Variants in GRHL2 observed in about 807,000 individuals in gnomAD.
The protein encoded by GRHL2 is grainyhead-like protein 2 homolog.
A neutral mutation model predicts 83.8 loss-of-function variants in GRHL2; 21 were observed. The observed-to-expected ratio is 0.25, with a 90% CI of 0.18 to 0.36. The LOEUF (loss-of-function observed/expected upper bound fraction) is 0.36, where lower values mean the gene tolerates loss of function less well. Ranked by LOEUF, GRHL2 falls within the 10% of genes least tolerant of loss-of-function variation. GRHL2 has a pLI of 1.00. For missense variants in GRHL2, 623 were observed against 781.8 expected (o/e 0.80, Z 2.42); for synonymous variants, 280 against 278.9 (o/e 1.00, Z -0.04).
chr8:101,602,832 G>A (rs1812546035), intron 8 of GRHL2, among the ~76,000 whole-genome samples: 1 of 152,200 alleles, frequency 6.6e-6, no homozygotes, highest in East Asian at 1.9e-4. Flanking sequence ...CTGCCTTTCA[G>A]CATTCAGGAG....
chr8:101,664,173 T>C (rs1294898905), intron 14 of GRHL2, among the ~76,000 whole-genome samples: 1 of 152,236 alleles, frequency 6.6e-6, no homozygotes, highest in Non-Finnish European at 1.5e-5. Context: ...ATGGCTACTA[T>C]TTCATCCAAC....
At chr8:101,680,321 G>C in the GRHL2 span, among the ~76,000 whole-genome samples, 3 of 140,782 alleles carry the variant, frequency 2.1e-5, no homozygotes. Context: ...CATCAAAAGA[G>C]ACAAAGAAGG....
intron 14 of GRHL2, among the ~76,000 whole-genome samples, chr8:101,660,660 G>C (rs1490068630): frequency 6.6e-6 from 1 of 151,980 alleles, no homozygotes; most frequent in East Asian, 1.9e-4. Flanking sequence ...CTAAGTTGTT[G>C]TATTTCAACT....
chr8:101,674,963 G>C, the GRHL2 span, among the ~76,000 whole-genome samples: 1 of 152,090 alleles, frequency 6.6e-6, no homozygotes, highest in Admixed American at 6.5e-5. Context: ...AAAACCACAT[G>C]ATTATCTCAA....
Position 101,572,669 on chromosome 8 carries a change from T to C in GRHL2, c.735-999T>C, listed in dbSNP as rs1428079770. On this transcript the variant is annotated intron_variant, in intron 5 of 15. Transcript: ENST00000646743. Reference sequence around the variant, plus strand: ...ATTGTCACTGTGAGCCGTCCTGCAGTATAGCAGAAATAAATATTTCTGAAT... The same window carrying C: ...ATTGTCACTGTGAGCCGTCCTGCAGCATAGCAGAAATAAATATTTCTGAAT... 2.0e-5 allele frequency among the ~76,000 whole-genome samples: 3 copies of C among 152,202 alleles called. No individual in the cohort carries two copies. In the East Asian group the frequency reaches 5.8e-4, roughly 29 times the overall value.
chr8:101,613,974 C>T (rs540935177), intron 8 of GRHL2, among the ~76,000 whole-genome samples: 4 of 151,026 alleles, frequency 2.6e-5, no homozygotes, highest in African/African-American at 7.4e-5. Flanking sequence ...AAATCACAGA[C>T]GTTACAATTT....
intron 1 of GRHL2, among the ~76,000 whole-genome samples, chr8:101,514,858 C>T (rs962669241): frequency 6.6e-6 from 1 of 151,848 alleles, no homozygotes; most frequent in African/African-American, 2.4e-5. Flanking sequence ...TTTTCTCTCT[C>T]CTCCTCTTCT....
At chr8:101,541,789 C>T (rs755208043) in intron 1 of GRHL2, among the ~76,000 whole-genome samples, 8 of 152,126 alleles carry the variant, frequency 5.3e-5, no homozygotes, top group Non-Finnish European at 8.8e-5. Context: ...TCTTTGGGTA[C>T]TTGAGTCATC....
chr8:101,544,937 C>T (rs1811229815), intron 2 of GRHL2, among the ~76,000 whole-genome samples: 1 of 152,186 alleles, frequency 6.6e-6, no homozygotes, highest in Non-Finnish European at 1.5e-5. Context: ...CTGGCATTGC[C>T]ACCACACCTA....
chr8:101,523,834 T>C (rs1245250984), intron 1 of GRHL2, among the ~76,000 whole-genome samples: 1 of 152,110 alleles, frequency 6.6e-6, no homozygotes, highest in African/African-American at 2.4e-5. Context: ...AACCACTAAA[T>C]AAAGACAAAT....
chr8:101,579,608 C>A (rs1319738234), intron 7 of GRHL2, among the ~76,000 whole-genome samples: 1 of 152,212 alleles, frequency 6.6e-6, no homozygotes, highest in African/African-American at 2.4e-5. Flanking sequence ...CTACCCCAAT[C>A]TCAACCTGAC....
chr8:101,619,550 C>T lies in GRHL2; in HGVS notation c.1110C>T (p.Thr370=), dbSNP rs142451191. The T allele has an allele frequency of 6.9e-5, 112 of 1,613,594 alleles. No individual in the cohort carries two copies. Among genetic ancestry groups the T allele is most frequent in the African/African-American group, 1.1e-4 (8 of 74,938 alleles). ...DVNEEAKIFI[T]VNCLSTDFSS... is the part of the protein sequence containing the mutation. ...TCTCTTTCCCTCAGATTTTCATCAC[C>T]GTGAATTGCTTGAGCACAGATTTCT... Residue 370 remains threonine (T), a synonymous_variant, in exon 9 of 16, where the codon ACC becomes ACT. Coordinates refer to ENST00000646743, the MANE Select transcript of GRHL2 (RefSeq NM_024915.4).
intron 7 of GRHL2, among the ~76,000 whole-genome samples, chr8:101,593,226 G>A (rs1408510418): frequency 6.6e-6 from 1 of 152,016 alleles, no homozygotes; most frequent in Admixed American, 6.5e-5. Context: ...GATTACAGGC[G>A]TGAGCCACCA....
chr8:101,632,259 A>G lies in GRHL2; in HGVS notation c.1379A>G (p.Gln460Arg). 1 of 1,614,046 alleles carries G rather than the reference A, an allele frequency of 6.2e-7. No individual in the cohort carries two copies. The highest frequency in any genetic ancestry group is 8.5e-7 in the Non-Finnish European group (1 of 1,179,912). The change falls in exon 11 of 16, where the codon CAG (glutamine) becomes CGG (arginine). Residue 460 changes from glutamine (Q) to arginine (R), a missense_variant. Gln to Arg is a conservative substitution (Grantham distance 43). Coordinates refer to ENST00000646743, the MANE Select transcript of GRHL2 (RefSeq NM_024915.4). ...GGGAAGTTGGCTGCCATACCTTTAC[A>G]GAAGAAGAGTGACATCACCTACTTC... ...SDGKLAAIPLQKKSDITYFKT... is the reference protein window; with the variant it reads ...SDGKLAAIPLRKKSDITYFKT...
At chr8:101,627,646 G>A (rs1813105517) in intron 9 of GRHL2, among the ~76,000 whole-genome samples, 1 of 152,108 alleles carries the variant, frequency 6.6e-6, no homozygotes, top group African/African-American at 2.4e-5. Flanking sequence ...ATTAAGCTTA[G>A]GGAGGAAGGC....
intron 1 of GRHL2, among the ~76,000 whole-genome samples, chr8:101,534,547 A>G (rs1811003135): frequency 6.6e-6 from 1 of 152,130 alleles, no homozygotes; most frequent in Admixed American, 6.5e-5. Flanking sequence ...ACCCTGGTCC[A>G]GTGTGGGAGA....
rs555015670 is a variant in GRHL2 at position 101,610,891 on chromosome 8, G to A, written c.1099-8648G>A. ...GTTTATTCAGAAAGCCAACATAACC[G>A]AGAAGATGGTGAACTAATGTTCTAA... On this transcript the variant is annotated intron_variant, in intron 8 of 15. Transcript: ENST00000646743. Among the ~76,000 whole-genome samples the A allele has an allele frequency of 9.9e-5, 15 of 150,948 alleles. 1 individual carries two copies. The highest frequency in any genetic ancestry group is 1.8e-4 in the Non-Finnish European group (12 of 68,018).
chr8:101,667,199 G>A lies in GRHL2; in HGVS notation c.*496G>A, dbSNP rs1262283071. On this transcript the variant is annotated 3_prime_UTR_variant, in exon 16 of 16. Coordinates refer to ENST00000646743, the MANE Select transcript of GRHL2 (RefSeq NM_024915.4). ...GAGGTGGATGCCCACTTTCTGGTCA[G>A]ACACCTTTAGGTTGCTCTGGGGAAG... 4 of 212,364 alleles carry A rather than the reference G, an allele frequency of 1.9e-5. No individual in the cohort carries two copies. The East Asian group carries it at 4.1e-4, about 22-fold the overall frequency. 13.2% of individuals were successfully genotyped at this position (212,364 alleles called of 1,614,324 possible). A position where few individuals can be genotyped will look rare whatever the true frequency, so the allele number is the denominator to read the frequency against.
intron 7 of GRHL2, among the ~76,000 whole-genome samples, chr8:101,598,253 T>TC (rs1812437692): frequency 6.6e-6 from 1 of 150,916 alleles, no homozygotes; most frequent in Non-Finnish European, 1.5e-5. Context: ...TTTTTTTTTT[T>TC]TTTTTGAGAT....
Sources: gnomAD v4.1 joint callset for allele counts (sites outside exome capture counted in the v4.1 genomes callset) on GRCh38, gnomAD v4.1.1 for gene constraint, MANE v1.5 for transcripts, NCBI Gene and HGNC (gene_info 2026-07-23, HGNC 2026-07-21) for gene names.